The following KANK1 variants were observed in gnomAD, a reference collection of about 807,000 sequenced individuals.
KANK1 encodes KN motif and ankyrin repeat domains 1, also known as KN motif and ankyrin repeat domain-containing protein 1.
A neutral mutation model predicts 106.2 loss-of-function variants in KANK1; 109 were observed. The ratio of observed to expected loss-of-function variants is 1.03; its 90% CI spans 0.88 to 1.20. The LOEUF (loss-of-function observed/expected upper bound fraction) is 1.20. Ranked by LOEUF, KANK1 falls within the 50% of genes most tolerant of loss-of-function variation. KANK1 has a pLI of 0.00. For synonymous variants in KANK1, 873 were observed against 652.2 expected, an observed-to-expected ratio of 1.34 and a Z score of -5.16; for missense variants, 2,399 against 1,710.7, an observed-to-expected ratio of 1.40 and a Z score of -7.10.
intron 2 of KANK1, among the ~76,000 whole-genome samples, chr9:703,357 C>G (rs567783651): frequency 1.2e-4 from 18 of 152,200 alleles, no homozygotes; most frequent in African/African-American, 4.3e-4. Context: ...GTAGTCATCT[C>G]TCAGCTAGAC....
intron 1 of KANK1, among the ~76,000 whole-genome samples, chr9:592,033 C>T (rs995185646): frequency 1.9e-4 from 29 of 151,738 alleles, no homozygotes; most frequent in African/African-American, 6.8e-4. Flanking sequence ...GGGCAGGGAC[C>T]TTGTCTGTGT....
chr9:513,665 A>G (rs540909119), intron 1 of KANK1, among the ~76,000 whole-genome samples: 117 of 152,330 alleles, frequency 7.7e-4, no homozygotes, highest in Admixed American at 3.1e-3. Flanking sequence ...TATCTGCATA[A>G]TATTTTTGGC....
intron 1 of KANK1, among the ~76,000 whole-genome samples, chr9:514,743 C>T (rs984894954): frequency 1.3e-5 from 2 of 151,684 alleles, no homozygotes; most frequent in Non-Finnish European, 2.9e-5. Context: ...ACAGTACTGT[C>T]ATGAATGATT....
At chr9:473,695 A>C (rs2058057408) in intron 3 of KANK1, among the ~76,000 whole-genome samples, 1 of 152,078 alleles carries the variant, frequency 6.6e-6, no homozygotes, top group Admixed American at 6.5e-5. Flanking sequence ...ACCCAGAAAG[A>C]ACAAGAATTT....
chr9:616,429 C>T (rs571030707), intron 1 of KANK1, among the ~76,000 whole-genome samples: 18 of 152,124 alleles, frequency 1.2e-4, no homozygotes, highest in Admixed American at 2.0e-4. Context: ...CTTTAATTTA[C>T]GAAACCTCTA....
intron 2 of KANK1, among the ~76,000 whole-genome samples, chr9:702,905 T>C (rs1823038743): frequency 6.6e-6 from 1 of 152,186 alleles, no homozygotes; most frequent in Non-Finnish European, 1.5e-5. Context: ...AACTCATCTC[T>C]CGTTAACTCG....
At chr9:616,467 A>G (rs2136271982) in intron 1 of KANK1, among the ~76,000 whole-genome samples, 1 of 152,342 alleles carries the variant, frequency 6.6e-6, no homozygotes, top group Middle Eastern at 3.4e-3. Flanking sequence ...GCTGTCATTT[A>G]AGCTAAAAGC....
At chr9:577,952 T>C (rs1316527390) in intron 1 of KANK1, among the ~76,000 whole-genome samples, 3 of 152,154 alleles carry the variant, frequency 2.0e-5, no homozygotes, top group Non-Finnish European at 2.9e-5. Flanking sequence ...AGAGTGCTAG[T>C]TGTTGATCAT....
At chr9:601,972 T>C (rs1827856367) in intron 1 of KANK1, among the ~76,000 whole-genome samples, 5 of 151,996 alleles carry the variant, frequency 3.3e-5, no homozygotes, top group Admixed American at 3.3e-4. Flanking sequence ...GGTGAGCTCT[T>C]TCCTGTGAAC....
At chr9:610,020 A>G (rs1014126681) in intron 1 of KANK1, among the ~76,000 whole-genome samples, 2 of 152,180 alleles carry the variant, frequency 1.3e-5, no homozygotes, top group South Asian at 2.1e-4. Context: ...TACAATTATA[A>G]TGATAAATAC....
At chr9:488,907 T>G (rs1018466267) in intron 3 of KANK1, 5 of 130,510 alleles carry the variant, frequency 3.8e-5, no homozygotes, top group Admixed American at 1.4e-4. Context: ...AGTGGAGAGA[T>G]AGTTAAAAAA....
At chr9:571,974 C>G (rs781369811) in intron 1 of KANK1, among the ~76,000 whole-genome samples, 19 of 152,076 alleles carry the variant, frequency 1.2e-4, no homozygotes, top group African/African-American at 4.6e-4. Context: ...AGGTGCAGAA[C>G]AACTCGGAAC....
At chr9:604,439 G>C (rs1247805285) in intron 1 of KANK1, among the ~76,000 whole-genome samples, 1 of 151,688 alleles carries the variant, frequency 6.6e-6, no homozygotes, top group Non-Finnish European at 1.5e-5. Context: ...TGGTTTAAAA[G>C]TGTTTGGCAG....
rs1270886644 is a variant in KANK1, at chr9:711,946, G to A, written c.1180G>A (p.Glu394Lys). 1.9e-6 allele frequency: 3 copies of A among 1,614,090 alleles called. No homozygotes were observed. The highest frequency in any genetic ancestry group is 2.2e-5 in the East Asian group (1 of 44,892). Reference sequence around the variant, plus strand: ...CTGTGAGGCCTCCTCAGAGCTCAGGGAGAATGGAGAGTGCCGGTCTGTGGC... The same window carrying A: ...CTGTGAGGCCTCCTCAGAGCTCAGGAAGAATGGAGAGTGCCGGTCTGTGGC... Reference protein sequence around the residue: ...SSCEASSELRENGECRSVAVG... With the variant: ...SSCEASSELRKNGECRSVAVG... The change falls in exon 3 of 12, where the codon GAG becomes AAG. Residue 394 changes from glutamate to lysine, a missense_variant. Glu to Lys is a moderately conservative substitution (Grantham distance 56). Transcript: ENST00000382297.
At chr9:592,658 T>C (rs1825260943) in intron 1 of KANK1, among the ~76,000 whole-genome samples, 1 of 151,958 alleles carries the variant, frequency 6.6e-6, no homozygotes, top group Non-Finnish European at 1.5e-5. Context: ...ATTGTAGTTT[T>C]ATGGTTTCAT....
chr9:673,968 C>G (rs914964709), intron 1 of KANK1: 4 of 151,976 alleles, frequency 2.6e-5, no homozygotes, highest in African/African-American at 9.7e-5. Flanking sequence ...TTTCCTTTGC[C>G]CCTTCATTTG....
At chr9:594,825 T>C (rs1825824847) in intron 1 of KANK1, among the ~76,000 whole-genome samples, 1 of 151,722 alleles carries the variant, frequency 6.6e-6, no homozygotes, top group Admixed American at 6.6e-5. Flanking sequence ...ATCTGGAGAG[T>C]TCAGATTCCC....
At chr9:680,279 G>C (rs1466149622) in intron 2 of KANK1, among the ~76,000 whole-genome samples, 2 of 152,098 alleles carry the variant, frequency 1.3e-5, no homozygotes, top group African/African-American at 4.8e-5. Context: ...CATGCCCTTG[G>C]CACAAAATAC....
At chr9:613,737 T>G (rs963478241) in intron 1 of KANK1, among the ~76,000 whole-genome samples, 1 of 152,178 alleles carries the variant, frequency 6.6e-6, no homozygotes, top group African/African-American at 2.4e-5. Context: ...AGGATACTTC[T>G]TGAACTTTAC....
Sources: gnomAD v4.1 joint callset for allele counts (sites outside exome capture counted in the v4.1 genomes callset) on GRCh38, gnomAD v4.1.1 for gene constraint, MANE v1.5 for transcripts, NCBI Gene and HGNC (gene_info 2026-07-23, HGNC 2026-07-21) for gene names.